The following NAV2 variants were observed in gnomAD, a reference collection of about 807,000 sequenced individuals.
NAV2 encodes helicase, APC down-regulated 1.
NAV2 carries 54 observed loss-of-function variants against 223.2 expected under a neutral mutation model. That is an observed-to-expected ratio of 0.24 (90% confidence interval 0.19 to 0.30). NAV2 has a LOEUF of 0.30. Among genes scored for constraint, NAV2 ranks in the 10% least tolerant of loss-of-function variants. The pLI, the probability that NAV2 is intolerant of heterozygous loss-of-function variation, is 1.00. For synonymous variants in NAV2, 1,279 were observed against 1,239.3 expected (o/e 1.03, Z -0.67); for missense variants, 2,806 against 3,147.5 (o/e 0.89, Z 2.60).
intron 1 of NAV2, among the ~76,000 whole-genome samples, chr11:19,737,515 T>C (rs2052436034): frequency 6.6e-6 from 1 of 152,152 alleles, no homozygotes; most frequent in Non-Finnish European, 1.5e-5. Flanking sequence ...CAGAGTAATA[T>C]GGTAGAAGGT....
chr11:20,004,460 G>A (rs1290985196), intron 11 of NAV2, among the ~76,000 whole-genome samples: 1 of 152,076 alleles, frequency 6.6e-6, no homozygotes. Context: ...GGAACCCAGG[G>A]GCATTGTAAA....
chr11:19,803,498 G>A (rs2058382300), intron 1 of NAV2, among the ~76,000 whole-genome samples: 1 of 152,234 alleles, frequency 6.6e-6, no homozygotes, highest in South Asian at 2.1e-4. Context: ...TCCTGTCTGT[G>A]GCTTAGGCAA....
chr11:19,755,087 C>T (rs1261024724), intron 1 of NAV2, among the ~76,000 whole-genome samples: 3 of 152,194 alleles, frequency 2.0e-5, no homozygotes, highest in African/African-American at 7.2e-5. Context: ...GGGATCCACT[C>T]TTCTGCAAGA....
chr11:19,895,057 A>G (rs1324501219), intron 6 of NAV2, among the ~76,000 whole-genome samples: 1 of 142,710 alleles, frequency 7.0e-6, no homozygotes. Flanking sequence ...AGTGCATATT[A>G]TATGCCAGGA....
At chr11:19,821,417 G>A (rs1203080656) in intron 1 of NAV2, among the ~76,000 whole-genome samples, 1 of 152,108 alleles carries the variant, frequency 6.6e-6, no homozygotes, top group Non-Finnish European at 1.5e-5. Context: ...TAAAGGCATA[G>A]TTTCAAAACC....
intron 11 of NAV2, among the ~76,000 whole-genome samples, chr11:20,034,144 C>T (rs1380404428): frequency 6.6e-6 from 1 of 152,138 alleles, no homozygotes; most frequent in Non-Finnish European, 1.5e-5. Context: ...CAGAATGGCT[C>T]GATCAAGATC....
intron 1 of NAV2, among the ~76,000 whole-genome samples, chr11:19,449,819 G>A (rs1357483310): frequency 2.0e-5 from 3 of 152,014 alleles, no homozygotes; most frequent in Non-Finnish European, 4.4e-5. Flanking sequence ...TGTGGACTCC[G>A]GTGACCCCCC....
chr11:19,784,538 G>C (rs1376097063), intron 1 of NAV2, among the ~76,000 whole-genome samples: 2 of 151,440 alleles, frequency 1.3e-5, no homozygotes, highest in Non-Finnish European at 2.9e-5. Flanking sequence ...TCCCAACCAA[G>C]ATACTTCTGA....
intron 1 of NAV2, among the ~76,000 whole-genome samples, chr11:19,779,152 G>C (rs1472867687): frequency 1.3e-5 from 2 of 152,142 alleles, no homozygotes; most frequent in African/African-American, 4.8e-5. Flanking sequence ...TGAATCTTTA[G>C]AGCTGTCTCA....
chr11:19,910,607 C>T (rs1197676518), intron 6 of NAV2, among the ~76,000 whole-genome samples: 1 of 152,186 alleles, frequency 6.6e-6, no homozygotes, highest in African/African-American at 2.4e-5. Context: ...GCCTGTAATC[C>T]TAGCACTTTG....
chr11:19,417,383 A>T (rs931473101), intron 1 of NAV2, among the ~76,000 whole-genome samples: 9 of 152,246 alleles, frequency 5.9e-5, no homozygotes, highest in African/African-American at 2.2e-4. Flanking sequence ...TGCAAATCAA[A>T]ATCACAATGA....
chr11:19,603,241 G>A (rs1177629645), intron 1 of NAV2, among the ~76,000 whole-genome samples: 1 of 152,158 alleles, frequency 6.6e-6, no homozygotes, highest in African/African-American at 2.4e-5. Flanking sequence ...GCAGCATGGA[G>A]CTGTATTAGA....
At chr11:19,442,513 T>C (rs1851441388) in intron 1 of NAV2, among the ~76,000 whole-genome samples, 2 of 152,336 alleles carry the variant, frequency 1.3e-5, no homozygotes, top group African/African-American at 4.8e-5. Context: ...GTGGTGGATA[T>C]GGCTAGAAAG....
intron 6 of NAV2, among the ~76,000 whole-genome samples, chr11:19,896,615 C>T (rs1406940000): frequency 6.6e-6 from 1 of 152,200 alleles, no homozygotes; most frequent in East Asian, 1.9e-4. Context: ...TCATCCATGT[C>T]ATAGCCTGCA....
chr11:19,639,228 CAT>C (rs1262639803), intron 1 of NAV2, among the ~76,000 whole-genome samples: 1 of 152,134 alleles, frequency 6.6e-6, no homozygotes, highest in Non-Finnish European at 1.5e-5. Context: ...GGACCCCCGA[CAT>C]AGTCCACTTC....
chr11:20,095,478 T>C (rs2061184727), intron 29 of NAV2, among the ~76,000 whole-genome samples, 194 bp from the exon 30 acceptor site: 1 of 152,238 alleles, frequency 6.6e-6, no homozygotes, highest in Non-Finnish European at 1.5e-5. Flanking sequence ...CTTGGACCGC[T>C]GTTTTAGCAG....
intron 1 of NAV2, among the ~76,000 whole-genome samples, chr11:19,405,926 A>T (rs1849876272): frequency 6.6e-6 from 1 of 152,228 alleles, no homozygotes; most frequent in Non-Finnish European, 1.5e-5. Flanking sequence ...GCCCATAATT[A>T]TCTTGGTTTG....
At position 19,751,110 on chromosome 11, in the gene NAV2, A is replaced by G. The variant is rs1006257174; in HGVS notation, c.267+37148A>G. Among the ~76,000 whole-genome samples, 5 of 152,310 alleles carry G rather than the reference A, an allele frequency of 3.3e-5. No individual in the cohort carries two copies. In the East Asian group the frequency reaches 9.6e-4, roughly 29 times the overall value. ...GTATTTACACCATGGAAATTGGCAAATGCTACAAATCAGAGCATTTCTTTA... is the reference window on the plus strand; with the variant it reads ...GTATTTACACCATGGAAATTGGCAAGTGCTACAAATCAGAGCATTTCTTTA... On this transcript the variant is annotated intron_variant, in intron 1 of 37. Coordinates refer to ENST00000349880, the MANE Select transcript of NAV2 (RefSeq NM_145117.5).
upstream of NAV2, chr11:19,350,605 G>A (rs1853252754): frequency 3.4e-6 from 1 of 296,974 alleles, no homozygotes; most frequent in African/African-American, 2.1e-5. Flanking sequence ...TGAAGGAAAG[G>A]GTTTCTGGGG....
Sources: gnomAD v4.1 joint callset for allele counts (sites outside exome capture counted in the v4.1 genomes callset) on GRCh38, gnomAD v4.1.1 for gene constraint, MANE v1.5 for transcripts, NCBI Gene and HGNC (gene_info 2026-07-23, HGNC 2026-07-21) for gene names.